GRID2: variants seen among roughly 807,000 people sequenced by gnomAD.
The protein encoded by GRID2 is glutamate receptor ionotropic, delta-2.
Under a neutral mutation model 114.8 loss-of-function variants are expected in GRID2, and 33 were observed. That is an observed-to-expected ratio of 0.29 (90% CI 0.22 to 0.38). The LOEUF is 0.38. Among genes scored for constraint, GRID2 ranks in the 10% least tolerant of loss-of-function variants. The probability of loss-of-function intolerance (pLI) is 1.00; values close to 1 mark genes in which losing one functional copy is unlikely to be tolerated. For missense variants in GRID2, 1,184 were observed against 1,257.7 expected, an observed-to-expected ratio of 0.94 and a Z score of 0.89; for synonymous variants, 505 against 449.9, an observed-to-expected ratio of 1.12 and a Z score of -1.55.
intron 8 of GRID2, among the ~76,000 whole-genome samples, chr4:93,389,555 A>G (rs901926619): frequency 6.6e-6 from 1 of 152,164 alleles, no homozygotes; most frequent in Non-Finnish European, 1.5e-5. Context: ...GCCATGTACC[A>G]ATACAACAAT....
At chr4:92,323,773 A>G (rs1726451100) in intron 1 of GRID2, among the ~76,000 whole-genome samples, 7 of 152,036 alleles carry the variant, frequency 4.6e-5, no homozygotes, top group Admixed American at 4.6e-4. Context: ...TTACATGATC[A>G]TAGGCTCATT....
At chr4:92,773,861 T>C (rs1738654208) in intron 2 of GRID2, among the ~76,000 whole-genome samples, 1 of 152,096 alleles carries the variant, frequency 6.6e-6, no homozygotes, top group African/African-American at 2.4e-5. Flanking sequence ...CTAAAGAAAT[T>C]ATCCTGTCAT....
At chr4:93,231,379 G>A (rs896359971) in intron 7 of GRID2, among the ~76,000 whole-genome samples, 6 of 117,038 alleles carry the variant, frequency 5.1e-5, no homozygotes, top group Middle Eastern at 6.1e-3. Flanking sequence ...GAATTACCCC[G>A]CACCCCCTGC....
chr4:93,087,108 C>G (rs1366752880), intron 3 of GRID2, among the ~76,000 whole-genome samples: 1 of 151,820 alleles, frequency 6.6e-6, no homozygotes, highest in African/African-American at 2.4e-5. Context: ...AATCTCGGCT[C>G]ACTGCAACCT....
intron 2 of GRID2, among the ~76,000 whole-genome samples, chr4:92,664,817 C>T (rs998282612): frequency 2.0e-5 from 3 of 151,020 alleles, no homozygotes; most frequent in African/African-American, 7.3e-5. Flanking sequence ...AATTTAATGT[C>T]CATATTTTCT....
chr4:93,720,704 T>TG (rs1409519669), intron 14 of GRID2, among the ~76,000 whole-genome samples: 3 of 152,158 alleles, frequency 2.0e-5, no homozygotes, highest in Non-Finnish European at 4.4e-5. Flanking sequence ...ATGAACTTTC[T>TG]TTTTTCCATC....
At chr4:92,564,803 A>G (rs576049433) in intron 1 of GRID2, among the ~76,000 whole-genome samples, 11 of 151,988 alleles carry the variant, frequency 7.2e-5, no homozygotes, top group Non-Finnish European at 1.2e-4. Context: ...ACTATTTGGA[A>G]TGTCATATAT....
chr4:92,570,587 G>A (rs775414242), intron 1 of GRID2, among the ~76,000 whole-genome samples: 6 of 152,080 alleles, frequency 3.9e-5, no homozygotes, highest in Non-Finnish European at 8.8e-5. Context: ...CTATCCATGA[G>A]CATGAAATGT....
chr4:92,987,063 CTG>C (rs1256659323), intron 2 of GRID2, among the ~76,000 whole-genome samples: 2 of 152,154 alleles, frequency 1.3e-5, no homozygotes, highest in East Asian at 1.9e-4. Flanking sequence ...AGGATGGAAA[CTG>C]TGCAAATATT....
rs577794192 is a variant in GRID2, at chr4:92,586,382, A to G, written c.89-3749A>G. Among the ~76,000 whole-genome samples the G allele has an allele frequency of 4.8e-3, 726 of 151,634 alleles. 6 individuals carry two copies. Among genetic ancestry groups the G allele is most frequent in the African/African-American group, 0.016 (681 of 41,388 alleles). On this transcript the variant is annotated intron_variant, in intron 1 of 15. Transcript: ENST00000282020. ...CACACACACACACACACACACACAC[A>G]CACACACACACATACACACACACAG...
At chr4:93,213,988 T>C (rs1171630506) in intron 5 of GRID2, among the ~76,000 whole-genome samples, 1 of 152,078 alleles carries the variant, frequency 6.6e-6, no homozygotes, top group South Asian at 2.1e-4. Context: ...AAAAGTTAAG[T>C]CGCTAAAAAA....
chr4:92,702,094 A>T (rs1405515454), intron 2 of GRID2, among the ~76,000 whole-genome samples: 1 of 152,132 alleles, frequency 6.6e-6, no homozygotes. Flanking sequence ...TTAAAGTCCT[A>T]CATGATCTGA....
chr4:93,252,880 T>C (rs1749132445), intron 8 of GRID2, among the ~76,000 whole-genome samples: 1 of 152,210 alleles, frequency 6.6e-6, no homozygotes. Flanking sequence ...ACTGTTGGTA[T>C]ATAGGAAATA....
intron 14 of GRID2, among the ~76,000 whole-genome samples, chr4:93,715,629 C>A (rs988074900): frequency 7.2e-5 from 11 of 151,986 alleles, no homozygotes; most frequent in African/African-American, 2.7e-4. Flanking sequence ...TGTAGTTCTC[C>A]TTGTAGAGAT....
At chr4:93,704,447 G>A (rs1029435570) in intron 14 of GRID2, among the ~76,000 whole-genome samples, 3 of 152,090 alleles carry the variant, frequency 2.0e-5, no homozygotes, top group Non-Finnish European at 4.4e-5. Context: ...TCTGTAGGTT[G>A]CCTGTTCACT....
chr4:93,449,920 A>G (rs1722518785), intron 10 of GRID2, among the ~76,000 whole-genome samples: 1 of 152,062 alleles, frequency 6.6e-6, no homozygotes, highest in African/African-American at 2.4e-5. Context: ...CCAAAGAATG[A>G]AATTAAAGAG....
intron 1 of GRID2, among the ~76,000 whole-genome samples, chr4:92,365,283 G>A (rs910916170): frequency 1.3e-5 from 2 of 152,030 alleles, no homozygotes; most frequent in Admixed American, 1.3e-4. Flanking sequence ...TATACATAGT[G>A]AAATATCATG....
At chr4:92,879,062 T>C (rs1182493285) in intron 2 of GRID2, among the ~76,000 whole-genome samples, 1 of 152,196 alleles carries the variant, frequency 6.6e-6, no homozygotes, top group East Asian at 1.9e-4. Flanking sequence ...GACATCAAAC[T>C]GTTAAAAGCA....
chr4:93,708,659 T>C (rs1333743666), intron 14 of GRID2, among the ~76,000 whole-genome samples: 1 of 152,072 alleles, frequency 6.6e-6, no homozygotes, highest in East Asian at 1.9e-4. Context: ...TTAGTCCATT[T>C]ACATTCAATG....
Sources: allele counts gnomAD v4.1 joint callset (sites outside exome capture counted in the v4.1 genomes callset), GRCh38; gene constraint gnomAD v4.1.1; transcripts MANE v1.5; gene names NCBI Gene and HGNC (gene_info 2026-07-23, HGNC 2026-07-21).